The following EXOC5 variants were observed in gnomAD, a reference collection of about 807,000 sequenced individuals.
EXOC5 encodes the protein SEC10-like 1.
Under a neutral mutation model 90.8 loss-of-function variants are expected in EXOC5, and 17 were observed. The ratio of observed to expected loss-of-function variants is 0.19; its 90% confidence interval spans 0.13 to 0.28. The LOEUF is 0.28. Among genes scored for constraint, EXOC5 ranks in the 10% least tolerant of loss-of-function variants. The pLI, the probability that EXOC5 is intolerant of heterozygous loss-of-function variation, is 1.00. For synonymous variants in EXOC5, 260 were observed against 270.0 expected (o/e 0.96, Z 0.36); for missense variants, 569 against 830.6 (o/e 0.69, Z 3.87).
chr14:57,268,558 C>T, intron 1 of EXOC5, 64 bp downstream of exon 1: 1 of 1,551,854 alleles, frequency 6.4e-7, no homozygotes, highest in Non-Finnish European at 8.7e-7. Flanking sequence ...CGCTCCTCGG[C>T]CCGCCCACCC....
At chr14:57,262,714 T>C (rs930711257) in intron 1 of EXOC5, among the ~76,000 whole-genome samples, 6 of 148,430 alleles carry the variant, frequency 4.0e-5, no homozygotes, top group African/African-American at 1.5e-4. Context: ...TATGTATATA[T>C]ATGTGTGTGT....
intron 12 of EXOC5, among the ~76,000 whole-genome samples, chr14:57,228,905 A>G (rs1240971964): frequency 6.6e-6 from 1 of 151,466 alleles, no homozygotes; most frequent in Non-Finnish European, 1.5e-5. Context: ...CTATAAAATT[A>G]TTAGCTACTA....
At chr14:57,266,268 C>T (rs945624859) in intron 1 of EXOC5, among the ~76,000 whole-genome samples, 35 of 152,234 alleles carry the variant, frequency 2.3e-4, no homozygotes, top group African/African-American at 7.9e-4. Context: ...AGATACTTCC[C>T]GTGACTCTTA....
chr14:57,256,256 T>C (rs1363862176), intron 1 of EXOC5, among the ~76,000 whole-genome samples: 2 of 152,198 alleles, frequency 1.3e-5, no homozygotes, highest in African/African-American at 2.4e-5. Flanking sequence ...GGCACACAGA[T>C]GATCCTCTCA....
In EXOC5 at chr14:57,206,864, T is replaced by C. The variant is rs1054058934; in HGVS notation, c.*1745A>G. 6 of 152,506 alleles carry C rather than the reference T, an allele frequency of 3.9e-5. No homozygotes were observed. The highest frequency in any genetic ancestry group is 8.8e-5 in the Non-Finnish European group (6 of 67,962). The allele number at this position is 152,506 out of a possible 1,614,324, so 9.4% of individuals were successfully genotyped here. ...AGATTTTTTTTCGTTTTTTCTTTTTTACAAATTGACACTGTACAAAGAGCT... is the reference window on the plus strand; with the variant it reads ...AGATTTTTTTTCGTTTTTTCTTTTTCACAAATTGACACTGTACAAAGAGCT... On this transcript the variant is annotated 3_prime_UTR_variant, in exon 18 of 18. Coordinates refer to ENST00000621441, the MANE Select transcript of EXOC5 (RefSeq NM_006544.4).
chr14:57,236,287 CTTTTTTT>C (rs746905430), intron 6 of EXOC5, among the ~76,000 whole-genome samples: 15 of 130,442 alleles, frequency 1.1e-4, no homozygotes, highest in Non-Finnish European at 2.3e-4. Flanking sequence ...TTTTCATTTT[CTTTTTTT>C]TTTTTTTTTC....
chr14:57,229,848 A>G lies in EXOC5; in HGVS notation c.1182T>C (p.Arg394=). ...TACTTGGCCCAAGTGGTAAGTTGGT[A>G]CGCTGTCTAATTCTTTCCTTCAAAT... is the stretch of plus-strand genomic sequence containing the variant. ...IQDLKERIRQ[R]TNLPLGPSID... is the part of the protein sequence containing the mutation. The change falls in exon 12 of 18, where the codon CGT becomes CGC. Residue 394 remains arginine (R), a synonymous_variant. Transcript: ENST00000621441. 2 of 1,509,830 alleles carry G rather than the reference A, an allele frequency of 1.3e-6. No homozygotes were observed. Among genetic ancestry groups the G allele is most frequent in the Admixed American group, 2.0e-5 (1 of 50,538 alleles). The allele number at this position is 1,509,830 out of a possible 1,614,324, so 93.5% of individuals were successfully genotyped here.
At position 57,208,442 on chromosome 14, in the gene EXOC5, A is replaced by G; in HGVS notation, c.*167T>C. ...AGCTAGTGGTATCCAAACTTTAAAT[A>G]AAACCTCAAAGGTAAGTATGGCTGC... On this transcript the variant is annotated 3_prime_UTR_variant, in exon 18 of 18. Coordinates refer to ENST00000621441, the MANE Select transcript of EXOC5 (RefSeq NM_006544.4). 1 of 463,736 alleles carries G rather than the reference A, an allele frequency of 2.2e-6. No homozygotes were observed. The highest frequency in any genetic ancestry group is 7.5e-5 in the South Asian group (1 of 13,376). The allele number at this position is 463,736 out of a possible 1,614,324, so 28.7% of individuals were successfully genotyped here. A position where few individuals can be genotyped will look rare whatever the true frequency, so the allele number is the denominator to read the frequency against.
Position 57,219,580 on chromosome 14 carries a change from T to C in EXOC5, c.1406-138A>G, listed in dbSNP as rs909224523. 1.3e-5 allele frequency: 9 copies of C among 680,888 alleles called. No homozygotes were observed. In the African/African-American group the frequency reaches 1.7e-4, roughly 13 times the overall value. 42.2% of individuals were successfully genotyped at this position (680,888 alleles called of 1,614,324 possible). On this transcript the variant is annotated intron_variant, in intron 13 of 17. Transcript: ENST00000621441. The stretch of plus-strand genomic sequence containing the variant: ...ATTTTAATACATCAATAATGACTTC[T>C]GTGGACAGAAGAGGAAAATCAAGCT...
Position 57,251,343 on chromosome 14 carries a change from G to A in EXOC5, c.28-3631C>T, listed in dbSNP as rs564718871. Reference sequence around the variant, plus strand: ...GGGCTAATTGCTGCTTCAGACCACAGAGGCATAAAGAGGCTGGTGGCCTTT... The same window carrying A: ...GGGCTAATTGCTGCTTCAGACCACAAAGGCATAAAGAGGCTGGTGGCCTTT... On this transcript the variant is annotated intron_variant, in intron 1 of 17. Coordinates refer to ENST00000621441, the MANE Select transcript of EXOC5 (RefSeq NM_006544.4). Among the ~76,000 whole-genome samples, 30 of 152,176 alleles carry A rather than the reference G, an allele frequency of 2.0e-4. 1 individual carries two copies. The Middle Eastern group carries it at 9.5e-3, about 48-fold the overall frequency.
intron 5 of EXOC5, among the ~76,000 whole-genome samples, chr14:57,238,373 T>TACAC (rs1353864854): frequency 0.041 from 3,294 of 79,468 alleles, 29 homozygotes; most frequent in East Asian, 0.089. Context: ...TATATATATA[T>TACAC]ATACACACAC....
At chr14:57,234,808 A>T (rs1594665255) in intron 7 of EXOC5, among the ~76,000 whole-genome samples, 1 of 151,542 alleles carries the variant, frequency 6.6e-6, no homozygotes, top group Middle Eastern at 3.4e-3. Flanking sequence ...AAACTGATCC[A>T]CCCGCCTCGG....
rs997550667 is a variant in EXOC5, at chr14:57,202,063, A to C, written c.*6546T>G. On this transcript the variant is annotated 3_prime_UTR_variant, in exon 18 of 18. Transcript: ENST00000621441. ...ATGGGGCAAATTGAAATTGTGTACT[A>C]TGTGATAGGATGCAACAATAACACA... 6.6e-6 allele frequency: 1 copy of C among 152,150 alleles called. No homozygotes were observed. The highest frequency in any genetic ancestry group is 2.4e-5 in the African/African-American group (1 of 41,448). 9.4% of individuals were successfully genotyped at this position (152,150 alleles called of 1,614,324 possible).
intron 12 of EXOC5, among the ~76,000 whole-genome samples, chr14:57,227,673 A>G (rs905057971): frequency 6.6e-6 from 1 of 152,130 alleles, no homozygotes; most frequent in Non-Finnish European, 1.5e-5. Context: ...GCATTTCCCT[A>G]TTAGTGAGAC....
At position 57,253,034 on chromosome 14, in the gene EXOC5, T is replaced by C. The variant is rs142217389; in HGVS notation, c.28-5322A>G. Among the ~76,000 whole-genome samples the C allele has an allele frequency of 2.4e-3, 358 of 152,136 alleles. 4 individuals carry two copies. Among genetic ancestry groups the C allele is most frequent in the African/African-American group, 6.8e-3 (282 of 41,504 alleles). On this transcript the variant is annotated intron_variant, in intron 1 of 17. Transcript: ENST00000621441. ...TATATTAAGTAAAATAAGCCAGGAA[T>C]AGAAAGACAAATGCCACATGACCTC... is the stretch of plus-strand genomic sequence containing the variant.
At chr14:57,240,120 A>G (rs1457420172) in intron 4 of EXOC5, among the ~76,000 whole-genome samples, 1 of 152,210 alleles carries the variant, frequency 6.6e-6, no homozygotes, top group African/African-American at 2.4e-5. Flanking sequence ...ATATGAATTT[A>G]TAACACTTGT....
At chr14:57,237,401 T>C (rs1297374017) in intron 5 of EXOC5, 35 bp from the exon 6 acceptor site, 15 of 1,473,924 alleles carry the variant, frequency 1.0e-5, no homozygotes, top group Admixed American at 2.0e-5. Context: ...GGTTTGTTAG[T>C]TGTGATAAAC....
In EXOC5 at chr14:57,205,663, A is replaced by C. The variant is rs1882629586; in HGVS notation, c.*2946T>G. 3.0e-6 allele frequency: 1 copy of C among 336,472 alleles called. No homozygotes were observed. The highest frequency in any genetic ancestry group is 2.5e-5 in the South Asian group (1 of 40,470). The allele number at this position is 336,472 out of a possible 1,614,324, so 20.8% of individuals were successfully genotyped here. A position where few individuals can be genotyped will look rare whatever the true frequency, so the allele number is the denominator to read the frequency against. ...AGCAGTGAATTCTCCACTTGGAATC[A>C]ATCTACTGATTGATAATTAAATTAT... On this transcript the variant is annotated 3_prime_UTR_variant, in exon 18 of 18. Coordinates refer to ENST00000621441, the MANE Select transcript of EXOC5 (RefSeq NM_006544.4).
chr14:57,231,878 G>A (rs1055253353), intron 10 of EXOC5, 163 bp from the exon 11 acceptor site: 17 of 563,956 alleles, frequency 3.0e-5, no homozygotes, highest in Non-Finnish European at 5.0e-5. Flanking sequence ...ACTCTACAGG[G>A]TTACATATAA....
Sources: gnomAD v4.1 joint callset for allele counts (sites outside exome capture counted in the v4.1 genomes callset) on GRCh38, gnomAD v4.1.1 for gene constraint, MANE v1.5 for transcripts, NCBI Gene and HGNC (gene_info 2026-07-23, HGNC 2026-07-21) for gene names.